RUBCNL: variants seen among roughly 807,000 people sequenced by gnomAD.
RUBCNL encodes the protein protein associated with UVRAG as autophagy enhancer.
A neutral mutation model predicts 69.5 loss-of-function variants in RUBCNL; 62 were observed. The ratio of observed to expected loss-of-function variants is 0.89; its 90% confidence interval spans 0.73 to 1.10. The LOEUF (loss-of-function observed/expected upper bound fraction) is 1.10. Ranked by LOEUF, RUBCNL falls within the 50% of genes least tolerant of loss-of-function variation. The pLI, the probability that RUBCNL is intolerant of heterozygous loss-of-function variation, is 0.00. For missense variants in RUBCNL, 768 were observed against 798.1 expected, an observed-to-expected ratio of 0.96 and a Z score of 0.45; for synonymous variants, 291 against 303.6, an observed-to-expected ratio of 0.96 and a Z score of 0.43.
chr13:46,341,583 A>T lies in RUBCNL; in HGVS notation c.*1802T>A, dbSNP rs1182420893. Among the ~76,000 whole-genome samples the T allele has an allele frequency of 6.6e-6, 1 of 152,252 alleles. No homozygotes were observed. Among genetic ancestry groups the T allele is most frequent in the Admixed American group, 6.5e-5 (1 of 15,288 alleles). ...AAAGATATGTAACACACACAGGCTC[A>T]TCAGTGCCTTACAAACATACAAACC... is the stretch of plus-strand genomic sequence containing the variant. On this transcript the variant is annotated 3_prime_UTR_variant, in exon 15 of 15. Transcript: ENST00000429979.
At position 46,349,368 on chromosome 13, in the gene RUBCNL, C is replaced by T. The variant is rs201273883; in HGVS notation, c.1570-21G>A. ...ATTTCCTAATGGGAGAAACCAAACA[C>T]GGGGAAAAGTTAAATGTAATAAATG... On this transcript the variant is annotated intron_variant, in intron 11 of 14. Coordinates refer to ENST00000429979, the MANE Select transcript of RUBCNL (RefSeq NM_025113.5). The T allele has an allele frequency of 7.8e-4, 1,250 of 1,607,406 alleles. 2 individuals carry two copies. The highest frequency in any genetic ancestry group is 8.8e-4 in the Non-Finnish European group (1,032 of 1,174,180).
intron 3 of RUBCNL, among the ~76,000 whole-genome samples, chr13:46,370,608 T>C (rs1397145575): frequency 2.0e-5 from 3 of 152,234 alleles, no homozygotes; most frequent in East Asian, 3.8e-4. Flanking sequence ...TTGGGAGTCC[T>C]TGTCTTTGGG....
At chr13:46,364,540 T>C (rs1419285544) in intron 5 of RUBCNL, among the ~76,000 whole-genome samples, 1 of 152,174 alleles carries the variant, frequency 6.6e-6, no homozygotes, top group Admixed American at 6.5e-5. Flanking sequence ...AGCACCCATC[T>C]GTGTTTTTCA....
chr13:46,354,786 T>C (rs1566070234), intron 10 of RUBCNL: 2 of 456,592 alleles, frequency 4.4e-6, no homozygotes. Flanking sequence ...GTATCTTCCC[T>C]AAAAGATGAT....
chr13:46,359,106 C>A (rs2048554282), intron 9 of RUBCNL, among the ~76,000 whole-genome samples: 1 of 151,728 alleles, frequency 6.6e-6, no homozygotes, highest in Admixed American at 6.6e-5. Context: ...TGGTGAAACC[C>A]CATCTCTAAT....
rs1027129632 is a variant in RUBCNL at position 46,341,603 on chromosome 13, C to T, written c.*1782G>A. Among the ~76,000 whole-genome samples the T allele has an allele frequency of 2.0e-5, 3 of 152,202 alleles. No individual in the cohort carries two copies. Among genetic ancestry groups the T allele is most frequent in the African/African-American group, 7.2e-5 (3 of 41,444 alleles). On this transcript the variant is annotated 3_prime_UTR_variant, in exon 15 of 15. Transcript: ENST00000429979. ...GGCTCATCAGTGCCTTACAAACATA[C>T]AAACCCTGAGCACAGAGCCCTTCAA...
Position 46,361,508 on chromosome 13 carries a change from T to A in RUBCNL, c.1052A>T (p.Gln351Leu), listed in dbSNP as rs2048609819. 1 of 1,613,648 alleles carries A rather than the reference T, an allele frequency of 6.2e-7. No homozygotes were observed. The highest frequency in any genetic ancestry group is 1.3e-5 in the African/African-American group (1 of 74,940). ...LLAKELYRVF[Q>L]KCWILSVVNS... ...AACTACTGACAGTATCCAGCACTTC[T>A]GGAACACGCGGTACAGCTCTTTGGC... The change falls in exon 8 of 15, where the codon CAG (glutamine) becomes CTG (leucine). Residue 351 changes from glutamine to leucine, a missense_variant. Gln to Leu is a moderately radical substitution (Grantham distance 113). Transcript: ENST00000429979.
At chr13:46,343,772 C>T (rs868719459) in intron 14 of RUBCNL, among the ~76,000 whole-genome samples, 1 of 152,096 alleles carries the variant, frequency 6.6e-6, no homozygotes, top group East Asian at 1.9e-4. Context: ...CTGAGGCAGG[C>T]GTTTCCCCAG....
chr13:46,366,267 G>A (rs191836303), intron 5 of RUBCNL, among the ~76,000 whole-genome samples: 52 of 152,344 alleles, frequency 3.4e-4, no homozygotes, highest in African/African-American at 1.1e-3. Context: ...CAGGTGCTCT[G>A]TCCTGGGATC....
chr13:46,361,088 G>A (rs1390782245), intron 8 of RUBCNL, among the ~76,000 whole-genome samples: 1 of 152,182 alleles, frequency 6.6e-6, no homozygotes, highest in African/African-American at 2.4e-5. Flanking sequence ...AGCTGGGCGT[G>A]GTGGCGTGCG....
At chr13:46,373,265 C>T (rs547638171) in intron 2 of RUBCNL, among the ~76,000 whole-genome samples, 5 of 152,138 alleles carry the variant, frequency 3.3e-5, no homozygotes, top group East Asian at 3.9e-4. Context: ...TGAGCCACTG[C>T]GCCCAGCCAT....
At chr13:46,349,992 C>T (rs1481332446) in intron 11 of RUBCNL, 121 bp downstream of exon 11, 7 of 758,834 alleles carry the variant, frequency 9.2e-6, no homozygotes, top group African/African-American at 7.0e-5. Context: ...CCGCTTCACT[C>T]GCTTTATGAT....
intron 14 of RUBCNL, 59 bp from the exon 15 acceptor site, chr13:46,343,556 C>A: frequency 6.5e-7 from 1 of 1,549,346 alleles, no homozygotes; most frequent in Non-Finnish European, 8.8e-7. Context: ...CACATTTCTG[C>A]AGACATTCGT....
At position 46,368,981 on chromosome 13, in the gene RUBCNL, T is replaced by C. The variant is rs532528639; in HGVS notation, c.536-166A>G. On this transcript the variant is annotated intron_variant, in intron 3 of 14. Coordinates refer to ENST00000429979, the MANE Select transcript of RUBCNL (RefSeq NM_025113.5). ...AGAAAGATCTTTCCGATGGCAGGTC[T>C]TACAGATATTGCTTTAATGATGATC... Among the ~76,000 whole-genome samples, 72 of 152,334 alleles carry C rather than the reference T, an allele frequency of 4.7e-4. 1 individual carries two copies. Among genetic ancestry groups the C allele is most frequent in the Admixed American group, 3.8e-3 (58 of 15,304 alleles).
chr13:46,359,403 T>C (rs1251090984), intron 9 of RUBCNL, 83 bp downstream of exon 9: 17 of 1,152,484 alleles, frequency 1.5e-5, no homozygotes, highest in Non-Finnish European at 2.0e-5. Context: ...TGTATTTTTT[T>C]CACCTACTGC....
chr13:46,362,950 A>ATATATATC (rs2048658030), intron 6 of RUBCNL, among the ~76,000 whole-genome samples, 165 bp downstream of exon 6: 3 of 64,144 alleles, frequency 4.7e-5, no homozygotes, highest in Non-Finnish European at 8.2e-5. Context: ...ATATATATAT[A>ATATATATC]TATATATATA....
chr13:46,368,870 A>C (rs2048818796), intron 3 of RUBCNL, 55 bp from the exon 4 acceptor site: 1 of 1,261,690 alleles, frequency 7.9e-7, no homozygotes, highest in Non-Finnish European at 1.1e-6. Flanking sequence ...AAGATTACCT[A>C]ATAAAATAAA....
chr13:46,356,704 T>C (rs1469106654), intron 9 of RUBCNL, among the ~76,000 whole-genome samples: 1 of 151,990 alleles, frequency 6.6e-6, no homozygotes, highest in Non-Finnish European at 1.5e-5. Context: ...ATTTTTTTTA[T>C]TTTTCATTTT....
chr13:46,372,110 T>G lies in RUBCNL; in HGVS notation c.366A>C (p.Glu122Asp), dbSNP rs773743537. ...VGSASPHGSS[E>D]KSSSFSLSST... The stretch of plus-strand genomic sequence containing the variant: ...AGGACAGAGAGAAGCTGCTACTCTT[T>G]TCACTCGAGCCATGGGGAGAAGCGC... Residue 122 changes from glutamate to aspartate, a missense_variant, in exon 3 of 15, where the codon GAA becomes GAC. By Grantham distance (45) the Glu-to-Asp change is conservative. Transcript: ENST00000429979. 13 of 1,613,874 alleles carry G rather than the reference T, an allele frequency of 8.1e-6. No individual in the cohort carries two copies. In the African/African-American group the frequency reaches 1.6e-4, roughly 20 times the overall value.
Sources: allele counts gnomAD v4.1 joint callset (sites outside exome capture counted in the v4.1 genomes callset), GRCh38; gene constraint gnomAD v4.1.1; transcripts MANE v1.5; gene names NCBI Gene and HGNC (gene_info 2026-07-23, HGNC 2026-07-21).